The following ANKHD1 variants were observed in gnomAD, a reference collection of about 807,000 sequenced individuals.
ANKHD1 encodes ankyrin repeat and KH domain-containing protein 1.
In ANKHD1, 31 loss-of-function variants were observed where a neutral mutation model predicts 230.5. The ratio of observed to expected loss-of-function variants is 0.13; its 90% CI spans 0.10 to 0.18. The LOEUF (loss-of-function observed/expected upper bound fraction) is 0.18. Ranked by LOEUF, ANKHD1 falls within the 10% of genes least tolerant of loss-of-function variation. ANKHD1 has a pLI of 1.00. For missense variants in ANKHD1, 2,256 were observed against 3,071.3 expected (o/e 0.73, Z 6.27); for synonymous variants, 1,074 against 1,117.6 (o/e 0.96, Z 0.78).
At chr5:140,435,772 C>T (rs553070371) in intron 1 of ANKHD1, among the ~76,000 whole-genome samples, 102 of 152,134 alleles carry the variant, frequency 6.7e-4, no homozygotes, top group Non-Finnish European at 3.1e-4. Context: ...TGAGCTCAAG[C>T]GATCTGCCTG....
chr5:140,410,671 A>T (rs1262992520), intron 1 of ANKHD1, among the ~76,000 whole-genome samples: 1 of 152,146 alleles, frequency 6.6e-6, no homozygotes, highest in Non-Finnish European at 1.5e-5. Flanking sequence ...CTTATTGATC[A>T]CATTTCCCTC....
chr5:140,412,542 A>C (rs1234156137), intron 1 of ANKHD1, among the ~76,000 whole-genome samples: 1 of 152,226 alleles, frequency 6.6e-6, no homozygotes, highest in African/African-American at 2.4e-5. Context: ...GGGGAGCACT[A>C]TTCTAAAGAA....
intron 9 of ANKHD1, among the ~76,000 whole-genome samples, chr5:140,464,150 T>C (rs1775920555): frequency 6.6e-6 from 1 of 151,520 alleles, no homozygotes; most frequent in Admixed American, 6.6e-5. Context: ...CCAGGAGACT[T>C]GCCTGAACCC....
At chr5:140,435,315 TCTATC>T (rs747139273) in intron 1 of ANKHD1, among the ~76,000 whole-genome samples, 3 of 152,136 alleles carry the variant, frequency 2.0e-5, no homozygotes, top group Admixed American at 1.3e-4. Context: ...TTTGTTCTAT[TCTATC>T]TAGTCTATAT....
intron 5 of ANKHD1, among the ~76,000 whole-genome samples, chr5:140,444,466 C>T (rs759322453): frequency 1.7e-4 from 26 of 152,128 alleles, no homozygotes. Flanking sequence ...TACTCCAAAG[C>T]AGTCAGTCTC....
intron 32 of ANKHD1, 90 bp from the exon 33 acceptor site, chr5:140,538,829 T>G: frequency 7.8e-7 from 1 of 1,283,118 alleles, no homozygotes; most frequent in Non-Finnish European, 1.0e-6. Context: ...TGAGGAATAT[T>G]AGAGAAGTCT....
At chr5:140,476,309 A>G in intron 10 of ANKHD1, among the ~76,000 whole-genome samples, 1 of 152,160 alleles carries the variant, frequency 6.6e-6, no homozygotes, top group Non-Finnish European at 1.5e-5. Context: ...TGGAGGGGAG[A>G]GGAAATGTTT....
intron 24 of ANKHD1, among the ~76,000 whole-genome samples, chr5:140,515,039 A>C (rs1255078098): frequency 6.6e-6 from 1 of 151,662 alleles, no homozygotes; most frequent in African/African-American, 2.4e-5. Context: ...GCACTTTGGG[A>C]GGCCGAGGCG....
chr5:140,537,645 C>A, intron 31 of ANKHD1, 56 bp downstream of exon 31: 1 of 1,474,264 alleles, frequency 6.8e-7, no homozygotes, highest in Non-Finnish European at 9.0e-7. Context: ...TGTAGGTTTG[C>A]CATTAAAACT....
chr5:140,416,615 TA>T (rs1771416511), intron 1 of ANKHD1, among the ~76,000 whole-genome samples: 1 of 152,164 alleles, frequency 6.6e-6, no homozygotes, highest in South Asian at 2.1e-4. Flanking sequence ...AAGTTGAAAT[TA>T]GGAAGCATTA....
At position 140,497,213 on chromosome 5, in the gene ANKHD1, C is replaced by A; in HGVS notation, c.2939C>A (p.Pro980Gln). The change falls in exon 15 of 34, where the codon CCA becomes CAA. Residue 980 changes from proline to glutamine, a missense_variant. Around this residue, in one of 13 missense-constraint regions of ANKHD1, gnomAD observed 358 missense variants for 397.7 expected, o/e 0.90. Coordinates refer to ENST00000360839, the MANE Select transcript of ANKHD1 (RefSeq NM_017747.3). Reference sequence around the variant, plus strand: ...GATCAGGGGCTGTTAGTTCAAGAACCAGATGGACTAATGGTTGCAACTCCA... The same window carrying A: ...GATCAGGGGCTGTTAGTTCAAGAACAAGATGGACTAATGGTTGCAACTCCA... ...GHDQGLLVQE[P>Q]DGLMVATPAQ... 2 of 1,611,418 alleles carry A rather than the reference C, an allele frequency of 1.2e-6. No individual in the cohort carries two copies. Among genetic ancestry groups the A allele is most frequent in the Non-Finnish European group, 1.7e-6 (2 of 1,179,974 alleles).
At chr5:140,452,012 G>A (rs1258624223) in intron 7 of ANKHD1, among the ~76,000 whole-genome samples, 1 of 152,122 alleles carries the variant, frequency 6.6e-6, no homozygotes, top group African/African-American at 2.4e-5. Flanking sequence ...CAGCATGAGC[G>A]ACGCATGAGA....
intron 7 of ANKHD1, among the ~76,000 whole-genome samples, chr5:140,453,370 A>G (rs926784099): frequency 1.3e-5 from 2 of 152,186 alleles, no homozygotes; most frequent in African/African-American, 2.4e-5. Flanking sequence ...GAATGCCACA[A>G]AGATACTCCT....
intron 10 of ANKHD1, among the ~76,000 whole-genome samples, chr5:140,468,052 C>CTTTTTTTTTTT (rs869172143): frequency 1.9e-4 from 10 of 52,412 alleles, no homozygotes; most frequent in Admixed American, 3.0e-4. Flanking sequence ...TGTACTAATT[C>CTTTTTTTTTTT]TTTTTTTTTT....
intron 10 of ANKHD1, among the ~76,000 whole-genome samples, chr5:140,476,705 C>T (rs1196820076): frequency 1.3e-5 from 2 of 152,048 alleles, no homozygotes; most frequent in Admixed American, 6.6e-5. Context: ...ATATATACAT[C>T]AGTAAGAAGA....
chr5:140,459,326 T>G lies in ANKHD1; in HGVS notation c.1643T>G (p.Leu548Arg). 6.3e-7 allele frequency: 1 copy of G among 1,574,952 alleles called. No homozygotes were observed. Among genetic ancestry groups the G allele is most frequent in the Admixed American group, 1.7e-5 (1 of 58,502 alleles). ...ATGGAGGCATCTCAGGAGGGACACCTGGAATTGGTTAAATATTTGCTGGCT... is the reference window on the plus strand; with the variant it reads ...ATGGAGGCATCTCAGGAGGGACACCGGGAATTGGTTAAATATTTGCTGGCT... ...PLMEASQEGH[L>R]ELVKYLLASG... The change falls in exon 9 of 34, where the codon CTG becomes CGG. Residue 548 changes from leucine (L) to arginine (R), a missense_variant. Coordinates refer to ENST00000360839, the MANE Select transcript of ANKHD1 (RefSeq NM_017747.3).
intron 14 of ANKHD1, among the ~76,000 whole-genome samples, chr5:140,487,343 A>G (rs1235186650): frequency 6.6e-6 from 1 of 152,236 alleles, no homozygotes; most frequent in African/African-American, 2.4e-5. Context: ...TTAAGTAACC[A>G]CAGTTTATCA....
Position 140,523,789 on chromosome 5 carries a change from G to T in ANKHD1, c.4318-277G>T, listed in dbSNP as rs533461572. 1.4e-4 allele frequency among the ~76,000 whole-genome samples: 21 copies of T among 152,120 alleles called. No homozygotes were observed. In the South Asian group the frequency reaches 4.4e-3, roughly 32 times the overall value. ...TTGGCTACATTAGTCTCGAACTCCT[G>T]ACCTCAGGTAATCCACCGACCTCGG... is the stretch of plus-strand genomic sequence containing the variant. On this transcript the variant is annotated intron_variant, in intron 24 of 33. Coordinates refer to ENST00000360839, the MANE Select transcript of ANKHD1 (RefSeq NM_017747.3).
chr5:140,420,512 A>G (rs999001012), intron 1 of ANKHD1, among the ~76,000 whole-genome samples: 8 of 152,164 alleles, frequency 5.3e-5, no homozygotes, highest in Non-Finnish European at 8.8e-5. Context: ...TTTATATATA[A>G]GGCGTGAGGT....
Sources: allele counts gnomAD v4.1 joint callset (sites outside exome capture counted in the v4.1 genomes callset), GRCh38; gene constraint gnomAD v4.1.1; regional missense constraint gnomAD v4.1.1; transcripts MANE v1.5; gene names NCBI Gene and HGNC (gene_info 2026-07-23, HGNC 2026-07-21).